Variants in MAGI1 observed in about 807,000 individuals in gnomAD.
MAGI1 encodes the protein membrane associated guanylate kinase, WW and PDZ domain containing 1.
In MAGI1, 58 loss-of-function variants were observed where a neutral mutation model predicts 139.9. The ratio of observed to expected loss-of-function variants is 0.41; its 90% confidence interval spans 0.34 to 0.52. The LOEUF (loss-of-function observed/expected upper bound fraction) is 0.52, where lower values mean the gene tolerates loss of function less well. Among genes scored for constraint, MAGI1 ranks in the 20% least tolerant of loss-of-function variants. The pLI, the probability that MAGI1 is intolerant of heterozygous loss-of-function variation, is 0.12. For missense variants in MAGI1, 1,874 were observed against 1,901.6 expected, an observed-to-expected ratio of 0.99 and a Z score of 0.27; for synonymous variants, 812 against 737.9, an observed-to-expected ratio of 1.10 and a Z score of -1.63.
chr3:65,468,916 A>G (rs915287637), intron 5 of MAGI1, among the ~76,000 whole-genome samples: 7 of 150,982 alleles, frequency 4.6e-5, no homozygotes, highest in African/African-American at 1.7e-4. Flanking sequence ...AGCCCAGGCA[A>G]TACAGTGAGG....
chr3:65,803,183 T>G (rs1385081268), intron 1 of MAGI1, among the ~76,000 whole-genome samples: 1 of 152,184 alleles, frequency 6.6e-6, no homozygotes, highest in African/African-American at 2.4e-5. Flanking sequence ...CAAACATCTC[T>G]AATCCAGTAA....
intron 1 of MAGI1, among the ~76,000 whole-genome samples, chr3:65,792,531 G>A (rs996052492): frequency 8.5e-5 from 13 of 152,062 alleles, no homozygotes; most frequent in Non-Finnish European, 1.8e-4. Context: ...TAATAGAATA[G>A]CTAATAATAT....
At chr3:65,763,372 T>C (rs998990064) in intron 1 of MAGI1, among the ~76,000 whole-genome samples, 2 of 152,304 alleles carry the variant, frequency 1.3e-5, no homozygotes, top group Admixed American at 6.5e-5. Flanking sequence ...AAAAGACTTA[T>C]ATTACATAAA....
At chr3:65,396,282 G>A (rs1944388740) in intron 13 of MAGI1, among the ~76,000 whole-genome samples, 1 of 152,192 alleles carries the variant, frequency 6.6e-6, no homozygotes, top group Non-Finnish European at 1.5e-5. Flanking sequence ...GAGTCTTATT[G>A]CTGAGTCTCA....
In MAGI1 at chr3:65,774,065, C is replaced by T. The variant is rs187032161; in HGVS notation, c.314-151977G>A. Reference sequence around the variant, plus strand: ...TAACCATCCCAGTAACTAAGTGGCACATGGGCATCTGTTTCCATAGCCCCA... The same window carrying T: ...TAACCATCCCAGTAACTAAGTGGCATATGGGCATCTGTTTCCATAGCCCCA... On this transcript the variant is annotated intron_variant, in intron 1 of 22. Coordinates refer to ENST00000402939, the MANE Select transcript of MAGI1 (RefSeq NM_001033057.2). Among the ~76,000 whole-genome samples, 3 of 149,888 alleles carry T rather than the reference C, an allele frequency of 2.0e-5. No homozygotes were observed. The East Asian group carries it at 5.9e-4, about 30-fold the overall frequency.
chr3:65,746,422 T>C (rs2035714178), intron 1 of MAGI1, among the ~76,000 whole-genome samples: 1 of 152,226 alleles, frequency 6.6e-6, no homozygotes, highest in African/African-American at 2.4e-5. Context: ...TTCTCCTATA[T>C]AGGATGATAA....
At chr3:66,035,461 C>T (rs944072652) in intron 1 of MAGI1, among the ~76,000 whole-genome samples, 4 of 152,164 alleles carry the variant, frequency 2.6e-5, no homozygotes, top group African/African-American at 9.7e-5. Context: ...AAGAGCAATT[C>T]TGTCATACAA....
intron 1 of MAGI1, among the ~76,000 whole-genome samples, chr3:65,885,419 C>A (rs894850361): frequency 1.3e-4 from 19 of 151,676 alleles, no homozygotes; most frequent in African/African-American, 4.4e-4. Flanking sequence ...AAATAGTTTT[C>A]ACATATATTG....
chr3:65,603,297 GATGA>G (rs2082565293), intron 2 of MAGI1, among the ~76,000 whole-genome samples: 1 of 152,060 alleles, frequency 6.6e-6, no homozygotes, highest in South Asian at 2.1e-4. Flanking sequence ...AAAGATCTCA[GATGA>G]ATATTTAAAA....
intron 13 of MAGI1, among the ~76,000 whole-genome samples, chr3:65,399,840 T>G (rs2107095517): frequency 6.6e-6 from 1 of 152,296 alleles, no homozygotes; most frequent in Middle Eastern, 3.4e-3. Context: ...ACAAAAATCC[T>G]TTGCACACTA....
chr3:66,003,963 T>C (rs986138035), intron 1 of MAGI1: 1 of 152,130 alleles, frequency 6.6e-6, no homozygotes, highest in Non-Finnish European at 1.5e-5. Context: ...ATAATAATAG[T>C]AACAAGAGAA....
At chr3:65,471,764 C>T (rs551717081) in intron 4 of MAGI1, among the ~76,000 whole-genome samples, 2 of 146,722 alleles carry the variant, frequency 1.4e-5, no homozygotes, top group African/African-American at 5.0e-5. Flanking sequence ...GGAATAGGTA[C>T]ATGATCTAAG....
rs1430334449 is a variant in MAGI1 at position 65,420,090 on chromosome 3, C to A, written c.2167+9430G>T. On this transcript the variant is annotated intron_variant, in intron 12 of 22. Coordinates refer to ENST00000402939, the MANE Select transcript of MAGI1 (RefSeq NM_001033057.2). The stretch of plus-strand genomic sequence containing the variant: ...ACAGGTCTCCCCTTCCCCTCCTGTT[C>A]CCCTAAAATACATTCTTCATATATA... Among the ~76,000 whole-genome samples, 4 of 151,840 alleles carry A rather than the reference C, an allele frequency of 2.6e-5. No individual in the cohort carries two copies. In the East Asian group the frequency reaches 7.8e-4, roughly 30 times the overall value.
intron 1 of MAGI1, among the ~76,000 whole-genome samples, chr3:65,706,296 A>G (rs965252349): frequency 6.6e-6 from 1 of 152,236 alleles, no homozygotes; most frequent in Non-Finnish European, 1.5e-5. Flanking sequence ...ATAGCAAACC[A>G]TGGCAACTGT....
intron 2 of MAGI1, among the ~76,000 whole-genome samples, chr3:65,587,160 G>C (rs948972371): frequency 3.3e-5 from 5 of 152,076 alleles, no homozygotes; most frequent in Admixed American, 2.0e-4. Flanking sequence ...AATGCCATTG[G>C]GATACAGATG....
chr3:65,762,611 T>C (rs767539805), intron 1 of MAGI1, among the ~76,000 whole-genome samples: 6 of 152,198 alleles, frequency 3.9e-5, no homozygotes, highest in Non-Finnish European at 8.8e-5. Flanking sequence ...AAAAATGCTA[T>C]CAGTAACAAT....
chr3:65,862,709 T>C (rs568218163), intron 1 of MAGI1, among the ~76,000 whole-genome samples: 3 of 152,336 alleles, frequency 2.0e-5, no homozygotes, highest in East Asian at 1.9e-4. Flanking sequence ...CAAGTGTGCA[T>C]AGTGGCATGG....
intron 1 of MAGI1, chr3:65,844,105 G>A (rs1031790641): frequency 1.6e-5 from 8 of 512,668 alleles, no homozygotes; most frequent in Admixed American, 9.9e-5. Context: ...GGTGTGTCTG[G>A]GCCAAACAGT....
At chr3:65,359,024 C>T (rs1940503318) in intron 22 of MAGI1, 5 of 1,561,606 alleles carry the variant, frequency 3.2e-6, no homozygotes, top group Non-Finnish European at 4.4e-6. Flanking sequence ...GGAAATTAGG[C>T]CACAGCACAG....
Sources: allele counts gnomAD v4.1 joint callset (sites outside exome capture counted in the v4.1 genomes callset), GRCh38; gene constraint gnomAD v4.1.1; transcripts MANE v1.5; gene names NCBI Gene and HGNC (gene_info 2026-07-23, HGNC 2026-07-21).